The following FAM118A variants were observed in gnomAD, a reference collection of about 807,000 sequenced individuals.
FAM118A encodes protein FAM118A.
A neutral mutation model predicts 38.2 loss-of-function variants in FAM118A; 25 were observed. The ratio of observed to expected loss-of-function variants is 0.65; its 90% CI spans 0.48 to 0.91. The LOEUF is 0.91. Among genes scored for constraint, FAM118A ranks in the 40% least tolerant of loss-of-function variants. The pLI, the probability that FAM118A is intolerant of heterozygous loss-of-function variation, is 0.00. For missense variants in FAM118A, 425 were observed against 463.3 expected, an observed-to-expected ratio of 0.92 and a Z score of 0.76; for synonymous variants, 178 against 184.1, an observed-to-expected ratio of 0.97 and a Z score of 0.27.
intron 1 of FAM118A, among the ~76,000 whole-genome samples, chr22:45,313,903 C>T (rs904485738): frequency 1.8e-4 from 27 of 152,204 alleles, no homozygotes; most frequent in African/African-American, 6.0e-4. Context: ...GAAGGATTCC[C>T]TATCACACAT....
chr22:45,329,200 G>T (rs1172588167), intron 4 of FAM118A: 3 of 152,184 alleles, frequency 2.0e-5, no homozygotes, highest in African/African-American at 7.2e-5. Flanking sequence ...ACACTACAGG[G>T]TCCTCATACT....
chr22:45,327,646 G>A (rs1271946039), intron 3 of FAM118A, among the ~76,000 whole-genome samples, 196 bp from the exon 4 acceptor site: 4 of 152,148 alleles, frequency 2.6e-5, no homozygotes, highest in South Asian at 2.1e-4. Flanking sequence ...GTGCTTTCCT[G>A]TGGCAGCGTC....
chr22:45,330,635 C>T lies in FAM118A; in HGVS notation c.555C>T (p.Tyr185=), dbSNP rs757936015. The T allele has an allele frequency of 1.1e-4, 167 of 1,589,032 alleles. No individual in the cohort carries two copies. The highest frequency in any genetic ancestry group is 5.3e-4 in the Admixed American group (29 of 54,270). ...VLEWARGHMK[Y]GVLHIHGLYT... is the part of the protein sequence containing the mutation. ...AATGGGCAAGAGGGCACATGAAGTA[C>T]GGCGTCCTCCACATTCACGGCCTCT... The change falls in exon 5 of 9, where the codon TAC becomes TAT. Residue 185 remains tyrosine (Y), a synonymous_variant. Coordinates refer to ENST00000441876, the MANE Select transcript of FAM118A (RefSeq NM_017911.4).
At chr22:45,326,438 A>G (rs1283076352) in intron 3 of FAM118A, among the ~76,000 whole-genome samples, 1 of 152,204 alleles carries the variant, frequency 6.6e-6, no homozygotes, top group African/African-American at 2.4e-5. Flanking sequence ...CTGTAATCCC[A>G]GCACTTTGGG....
At chr22:45,337,988 C>G (rs1602010761) in intron 8 of FAM118A, 1 of 791,888 alleles carries the variant, frequency 1.3e-6, no homozygotes, top group Non-Finnish European at 1.5e-6. Flanking sequence ...GCTTTTTTTC[C>G]TGGGAGTTTT....
rs79395923 is a variant in FAM118A, at chr22:45,324,062, T to C, written c.300+635T>C. ...TGGCAGTCATTGTCTTCTTCTGCTC[T>C]TGTATTTACTGAAGAGGCACAGTCA... On this transcript the variant is annotated intron_variant, in intron 3 of 8. Transcript: ENST00000441876. Among the ~76,000 whole-genome samples the C allele has an allele frequency of 9.4e-3, 1,429 of 152,294 alleles. 24 individuals carry two copies. Among genetic ancestry groups the C allele is most frequent in the African/African-American group, 0.033 (1,354 of 41,566 alleles).
rs1293829410 is a variant in FAM118A, at chr22:45,310,002, A to ACTCCGG, written c.-187_-182dup. ...CGGCGTGGCGTCCGCTCTGGCTCCGACTCCGGCTCTCGCTCTCGCTTCTAG... is the reference window on the plus strand; with the variant it reads ...CGGCGTGGCGTCCGCTCTGGCTCCGACTCCGGCTCCGGCTCTCGCTCTCGCTTCTAG... On this transcript the variant is annotated 5_prime_UTR_variant, in exon 1 of 9. Coordinates refer to ENST00000441876, the MANE Select transcript of FAM118A (RefSeq NM_017911.4). 6.6e-6 allele frequency: 1 copy of ACTCCGG among 151,556 alleles called. No individual in the cohort carries two copies. The highest frequency in any genetic ancestry group is 1.5e-5 in the Non-Finnish European group (1 of 67,896). The allele number at this position is 151,556 out of a possible 1,614,324, so 9.4% of individuals were successfully genotyped here.
intron 7 of FAM118A, 58 bp downstream of exon 7, chr22:45,335,440 C>T: frequency 6.4e-7 from 1 of 1,564,116 alleles, no homozygotes; most frequent in Non-Finnish European, 8.8e-7. Context: ...CCATTGTCTT[C>T]TGTCACTAAC....
At chr22:45,329,973 A>T (rs2085588636) in intron 4 of FAM118A, 1 of 152,222 alleles carries the variant, frequency 6.6e-6, no homozygotes, top group Non-Finnish European at 1.5e-5. Flanking sequence ...TGCGTTCTGT[A>T]TCTTGAACTG....
At chr22:45,320,277 C>T (rs1368951660) in intron 1 of FAM118A, among the ~76,000 whole-genome samples, 2 of 152,230 alleles carry the variant, frequency 1.3e-5, no homozygotes, top group Middle Eastern at 3.4e-3. Flanking sequence ...TCCTGGCTAA[C>T]ATGGTGAAAT....
intron 3 of FAM118A, among the ~76,000 whole-genome samples, chr22:45,326,872 GGTGT>G (rs10528596): frequency 0.91 from 131,462 of 144,708 alleles, 59,887 homozygotes; most frequent in African/African-American, 0.98. Context: ...TAGGTGTTAT[GGTGT>G]GTGTGCACCT....
At chr22:45,326,018 G>A (rs923478945) in intron 3 of FAM118A, among the ~76,000 whole-genome samples, 1 of 152,102 alleles carries the variant, frequency 6.6e-6, no homozygotes, top group Non-Finnish European at 1.5e-5. Flanking sequence ...GTGGCGATGA[G>A]TGGGAACCTA....
chr22:45,330,755 C>A, intron 5 of FAM118A, 24 bp downstream of exon 5: 1 of 1,507,692 alleles, frequency 6.6e-7, no homozygotes, highest in South Asian at 1.3e-5. Flanking sequence ...TAATTAGCAT[C>A]GGTGCGTCCT....
chr22:45,323,934 G>A (rs542328354), intron 3 of FAM118A, among the ~76,000 whole-genome samples: 71 of 152,362 alleles, frequency 4.7e-4, no homozygotes, highest in African/African-American at 1.5e-3. Flanking sequence ...TGGGGCCGAT[G>A]GGTCTGGTGC....
intron 8 of FAM118A, among the ~76,000 whole-genome samples, chr22:45,339,860 T>G (rs998705): frequency 6.6e-6 from 1 of 151,996 alleles, no homozygotes; most frequent in Non-Finnish European, 1.5e-5. Context: ...GGGCAGGGGT[T>G]TTCTTCAATA....
intron 8 of FAM118A, among the ~76,000 whole-genome samples, chr22:45,338,850 A>G (rs557327553): frequency 1.3e-5 from 2 of 152,322 alleles, no homozygotes; most frequent in South Asian, 4.1e-4. Flanking sequence ...CGTTCCTTCA[A>G]CACCACAGGG....
At chr22:45,339,868 A>T (rs1445271276) in intron 8 of FAM118A, among the ~76,000 whole-genome samples, 2 of 151,898 alleles carry the variant, frequency 1.3e-5, no homozygotes, top group Non-Finnish European at 2.9e-5. Context: ...GTTTTCTTCA[A>T]TACCTGTGAG....
rs931392433 is a variant in FAM118A, at chr22:45,327,765, C to T, written c.301-77C>T. ...TTTCAGCCGCTGTATCTCTGGCACC[C>T]AGAAAATGGCCTGCTTAGGTGCTCA... On this transcript the variant is annotated intron_variant, in intron 3 of 8. Transcript: ENST00000441876. 13 of 1,454,352 alleles carry T rather than the reference C, an allele frequency of 8.9e-6. No homozygotes were observed. The African/African-American group carries it at 1.5e-4, about 17-fold the overall frequency. 90.1% of individuals were successfully genotyped at this position (1,454,352 alleles called of 1,614,324 possible).
intron 1 of FAM118A, among the ~76,000 whole-genome samples, chr22:45,313,911 C>T (rs922026396): frequency 6.6e-6 from 1 of 152,338 alleles, no homozygotes; most frequent in East Asian, 1.9e-4. Flanking sequence ...CCCTATCACA[C>T]ATCTAGGGTG....
Sources: gnomAD v4.1 joint callset for allele counts (sites outside exome capture counted in the v4.1 genomes callset) on GRCh38, gnomAD v4.1.1 for gene constraint, MANE v1.5 for transcripts, NCBI Gene and HGNC (gene_info 2026-07-23, HGNC 2026-07-21) for gene names.